Variants in FGF14 observed in about 807,000 individuals in gnomAD.
The protein encoded by FGF14 is fibroblast growth factor 14, also known as fibroblast growth factor homologous factor 4.
Under a neutral mutation model 25.5 loss-of-function variants are expected in FGF14, and 5 were observed. The observed-to-expected ratio is 0.20, with a 90% CI of 0.10 to 0.41. The LOEUF is 0.41. Among genes scored for constraint, FGF14 ranks in the 10% least tolerant of loss-of-function variants. The probability of loss-of-function intolerance (pLI) is 1.00; values close to 1 mark genes in which losing one functional copy is unlikely to be tolerated. For synonymous variants in FGF14, 138 were observed against 118.3 expected, an observed-to-expected ratio of 1.17 and a Z score of -1.08; for missense variants, 222 against 320.1, an observed-to-expected ratio of 0.69 and a Z score of 2.34.
At chr13:102,315,256 A>T (rs1289202585) in intron 1 of FGF14, among the ~76,000 whole-genome samples, 1 of 152,178 alleles carries the variant, frequency 6.6e-6, no homozygotes, top group Admixed American at 6.6e-5. Context: ...GATCTTTTTG[A>T]AAAGAAACAC....
intron 1 of FGF14, among the ~76,000 whole-genome samples, chr13:102,004,591 T>C (rs1310482241): frequency 6.6e-6 from 1 of 152,196 alleles, no homozygotes; most frequent in Admixed American, 6.5e-5. Flanking sequence ...TGATTACTGA[T>C]TGGAACTGGA....
chr13:102,111,720 A>AG (rs1161072366), intron 1 of FGF14, among the ~76,000 whole-genome samples: 1 of 148,686 alleles, frequency 6.7e-6, no homozygotes, highest in Non-Finnish European at 1.5e-5. Context: ...TGTCTAAAAA[A>AG]GAAAAAAAAA....
At chr13:102,007,742 A>AG (rs1491141713) in intron 1 of FGF14, among the ~76,000 whole-genome samples, 1 of 152,192 alleles carries the variant, frequency 6.6e-6, no homozygotes, top group Non-Finnish European at 1.5e-5. Flanking sequence ...AAATAATCAC[A>AG]GGGGGTTATT....
intron 1 of FGF14, among the ~76,000 whole-genome samples, chr13:102,012,678 AT>A (rs1330887944): frequency 3.3e-5 from 5 of 152,214 alleles, no homozygotes; most frequent in African/African-American, 1.2e-4. Flanking sequence ...GTCATGTAAT[AT>A]CTTGAGTTTT....
At chr13:102,282,929 T>C (rs2053918273) in intron 1 of FGF14, among the ~76,000 whole-genome samples, 2 of 152,188 alleles carry the variant, frequency 1.3e-5, no homozygotes, top group Non-Finnish European at 2.9e-5. Context: ...TGTTTATTAA[T>C]ATCTGAAAAA....
intron 1 of FGF14, among the ~76,000 whole-genome samples, chr13:101,890,337 T>TTTC (rs1160867574): frequency 6.6e-6 from 1 of 151,782 alleles, no homozygotes; most frequent in Non-Finnish European, 1.5e-5. Context: ...TTTCCTGTCT[T>TTTC]ACCTGAAAAA....
intron 3 of FGF14, among the ~76,000 whole-genome samples, chr13:101,791,777 G>C (rs886120596): frequency 8.2e-6 from 1 of 122,674 alleles, no homozygotes. Flanking sequence ...AACCCACAGT[G>C]TAAAAATGTG....
chr13:101,747,095 C>T (rs1349561428), intron 3 of FGF14, among the ~76,000 whole-genome samples: 1 of 151,860 alleles, frequency 6.6e-6, no homozygotes, highest in African/African-American at 2.4e-5. Context: ...TGAGCATTGT[C>T]AATGAAGCTC....
chr13:102,204,998 A>AG (rs1463218763), intron 1 of FGF14, among the ~76,000 whole-genome samples: 1 of 152,238 alleles, frequency 6.6e-6, no homozygotes, highest in Non-Finnish European at 1.5e-5. Context: ...TTTGTACTTC[A>AG]GGGGAAAACT....
At chr13:101,747,529 C>T (rs1239963924) in intron 3 of FGF14, among the ~76,000 whole-genome samples, 3 of 152,096 alleles carry the variant, frequency 2.0e-5, no homozygotes, top group African/African-American at 7.2e-5. Context: ...TAGACTAGGA[C>T]ACTTACATGA....
chr13:101,895,798 A>G (rs149448661), intron 1 of FGF14, among the ~76,000 whole-genome samples: 3 of 152,326 alleles, frequency 2.0e-5, no homozygotes, highest in Non-Finnish European at 4.4e-5. Context: ...GAAATATTCT[A>G]TAACAAAAAT....
intron 1 of FGF14, among the ~76,000 whole-genome samples, chr13:102,307,787 G>A (rs2055479373): frequency 6.6e-6 from 1 of 152,064 alleles, no homozygotes; most frequent in South Asian, 2.1e-4. Context: ...GAGACAGAAA[G>A]GATATCCATA....
intron 1 of FGF14, among the ~76,000 whole-genome samples, chr13:102,379,384 T>C (rs998219993): frequency 2.0e-5 from 3 of 151,870 alleles, no homozygotes; most frequent in Admixed American, 6.6e-5. Context: ...TTGATTTACC[T>C]GTACACTTAG....
At chr13:102,093,928 T>A (rs1314664391) in intron 1 of FGF14, among the ~76,000 whole-genome samples, 1 of 150,220 alleles carries the variant, frequency 6.7e-6, no homozygotes, top group Non-Finnish European at 1.5e-5. Context: ...CCTTTTTATC[T>A]TGAATTGAAA....
At chr13:102,375,462 A>C (rs937161613) in intron 1 of FGF14, among the ~76,000 whole-genome samples, 1 of 152,118 alleles carries the variant, frequency 6.6e-6, no homozygotes, top group African/African-American at 2.4e-5. Flanking sequence ...CAACTCTTTG[A>C]CTCAATTTAT....
rs546144713 is a variant in FGF14, at chr13:102,365,328, G to A, written c.208+36143C>T. On this transcript the variant is annotated intron_variant, in intron 1 of 4. Coordinates refer to the FGF14 transcript ENST00000376131. ...GCCAGTAGAGGAATCCATGGAAATG[G>A]AAAGATCTGAAGTCAACACCCCCAG... 3.0e-4 allele frequency among the ~76,000 whole-genome samples: 45 copies of A among 152,086 alleles called. 1 individual carries two copies. The South Asian group carries it at 9.4e-3, about 32-fold the overall frequency.
chr13:101,727,660 TAATG>T (rs1371840020), intron 3 of FGF14, among the ~76,000 whole-genome samples: 31 of 152,254 alleles, frequency 2.0e-4, no homozygotes, highest in Admixed American at 5.9e-4. Context: ...GGATGAATAA[TAATG>T]AATATAATCC....
intron 1 of FGF14, among the ~76,000 whole-genome samples, chr13:102,228,299 T>C (rs1229443205): frequency 2.0e-5 from 3 of 152,236 alleles, no homozygotes; most frequent in Middle Eastern, 3.4e-3. Context: ...TACATTCCTA[T>C]GTGGTAGGGG....
At chr13:102,096,975 A>C (rs763076688) in intron 1 of FGF14, among the ~76,000 whole-genome samples, 6 of 152,166 alleles carry the variant, frequency 3.9e-5, no homozygotes, top group Admixed American at 2.6e-4. Flanking sequence ...TACTCATATA[A>C]ATTCCCATAC....
Sources: allele counts gnomAD v4.1 joint callset (sites outside exome capture counted in the v4.1 genomes callset), GRCh38; gene constraint gnomAD v4.1.1; transcripts MANE v1.5; gene names NCBI Gene and HGNC (gene_info 2026-07-23, HGNC 2026-07-21).